The following ATE1 variants were observed in gnomAD, a reference collection of about 807,000 sequenced individuals.
ATE1 encodes the protein arginyltransferase 1, also known as arginyl-tRNA--protein transferase 1.
In ATE1, 36 loss-of-function variants were observed where a neutral mutation model predicts 70.5. The ratio of observed to expected loss-of-function variants is 0.51; its 90% CI spans 0.39 to 0.67. ATE1 has a LOEUF of 0.67. Among genes scored for constraint, ATE1 ranks in the 30% least tolerant of loss-of-function variants. The probability of loss-of-function intolerance (pLI) is 0.00; values close to 1 mark genes in which losing one functional copy is unlikely to be tolerated. For synonymous variants in ATE1, 232 were observed against 219.3 expected, an observed-to-expected ratio of 1.06 and a Z score of -0.51; for missense variants, 593 against 629.5, an observed-to-expected ratio of 0.94 and a Z score of 0.62.
intron 10 of ATE1, among the ~76,000 whole-genome samples, chr10:121,825,321 C>G (rs947209536): frequency 4.6e-5 from 7 of 152,142 alleles, no homozygotes; most frequent in African/African-American, 1.7e-4. Flanking sequence ...AAATATGACA[C>G]ACAGACAGAA....
intron 8 of ATE1, among the ~76,000 whole-genome samples, chr10:121,851,340 A>T (rs1949049584): frequency 6.6e-6 from 1 of 152,152 alleles, no homozygotes; most frequent in African/African-American, 2.4e-5. Context: ...GGATCACTTG[A>T]GCCTGGGAGG....
intron 8 of ATE1, among the ~76,000 whole-genome samples, chr10:121,867,468 T>A (rs1336425844): frequency 6.6e-6 from 1 of 152,214 alleles, no homozygotes; most frequent in Non-Finnish European, 1.5e-5. Flanking sequence ...GCATTATACA[T>A]TATCAACATT....
chr10:121,826,766 T>G (rs1181534385), intron 10 of ATE1, among the ~76,000 whole-genome samples: 1 of 152,180 alleles, frequency 6.6e-6, no homozygotes, highest in African/African-American at 2.4e-5. Flanking sequence ...CTTGCCACCT[T>G]CCCTCTCTCC....
At chr10:121,810,120 T>C (rs568482569) in intron 10 of ATE1, among the ~76,000 whole-genome samples, 3 of 152,324 alleles carry the variant, frequency 2.0e-5, no homozygotes, top group African/African-American at 7.2e-5. Flanking sequence ...TAAAACAAGG[T>C]TTACTGCAGA....
chr10:121,868,037 T>G (rs1426126136), intron 8 of ATE1, among the ~76,000 whole-genome samples: 1 of 152,214 alleles, frequency 6.6e-6, no homozygotes, highest in Non-Finnish European at 1.5e-5. Flanking sequence ...CTTTAGTGTA[T>G]GTGACCAAAC....
rs536778204 is a variant in ATE1, at chr10:121,741,019, A to C, written c.*2661T>G. On this transcript the variant is annotated 3_prime_UTR_variant, in exon 12 of 12. Transcript: ENST00000224652. ...AATTGAAATTACATCTTTGCTCCCA[A>C]AACAGGAAGGCAGGTGTGATGTATT... 2.6e-4 allele frequency: 39 copies of C among 152,354 alleles called. No individual in the cohort carries two copies. Among genetic ancestry groups the C allele is most frequent in the African/African-American group, 8.9e-4 (37 of 41,582 alleles). The allele number at this position is 152,354 out of a possible 1,614,324, so 9.4% of individuals were successfully genotyped here.
chr10:121,740,429 A>T lies in ATE1; in HGVS notation c.*3251T>A, dbSNP rs1259255604. 6.6e-6 allele frequency: 1 copy of T among 152,192 alleles called. No individual in the cohort carries two copies. The highest frequency in any genetic ancestry group is 1.5e-5 in the Non-Finnish European group (1 of 68,036). 9.4% of individuals were successfully genotyped at this position (152,192 alleles called of 1,614,324 possible). A position where few individuals can be genotyped will look rare whatever the true frequency, so the allele number is the denominator to read the frequency against. ...TAATGACCACCAAGAGCCACTGCAGATAGAAACAGCTTTATTTTTTCCATT... is the reference window on the plus strand; with the variant it reads ...TAATGACCACCAAGAGCCACTGCAGTTAGAAACAGCTTTATTTTTTCCATT... On this transcript the variant is annotated 3_prime_UTR_variant, in exon 12 of 12. Coordinates refer to ENST00000224652, the MANE Select transcript of ATE1 (RefSeq NM_001001976.3).
chr10:121,907,696 G>A (rs1951254333), intron 5 of ATE1, among the ~76,000 whole-genome samples: 1 of 151,916 alleles, frequency 6.6e-6, no homozygotes. Flanking sequence ...GTGAACCCGG[G>A]AGGTAGAGCT....
At chr10:121,766,576 C>G (rs771700723) in intron 11 of ATE1, among the ~76,000 whole-genome samples, 6 of 152,062 alleles carry the variant, frequency 3.9e-5, no homozygotes, top group Non-Finnish European at 8.8e-5. Flanking sequence ...GTTGGCAACT[C>G]TGAAAAGCCA....
At chr10:121,825,001 C>T (rs566906647) in intron 10 of ATE1, among the ~76,000 whole-genome samples, 7 of 146,772 alleles carry the variant, frequency 4.8e-5, no homozygotes, top group Non-Finnish European at 1.0e-4. Context: ...AAAAAGGAGA[C>T]AAAGTAAAGA....
chr10:121,848,976 C>T (rs1468738906), intron 8 of ATE1, among the ~76,000 whole-genome samples: 5 of 151,086 alleles, frequency 3.3e-5, no homozygotes, highest in African/African-American at 4.9e-5. Context: ...TTTGGGAGGC[C>T]GAAGCGGGCA....
chr10:121,752,011 G>A (rs1404676707), intron 11 of ATE1, among the ~76,000 whole-genome samples: 1 of 151,562 alleles, frequency 6.6e-6, no homozygotes, highest in Non-Finnish European at 1.5e-5. Context: ...GGCTAACAGG[G>A]TGAAACCCCG....
chr10:121,857,881 T>C (rs111768662), intron 8 of ATE1, among the ~76,000 whole-genome samples: 5 of 152,330 alleles, frequency 3.3e-5, no homozygotes, highest in African/African-American at 1.2e-4. Flanking sequence ...CAACCATCAC[T>C]TCACTTTCTA....
At chr10:121,905,122 C>T (rs966158639) in intron 5 of ATE1, among the ~76,000 whole-genome samples, 4 of 152,144 alleles carry the variant, frequency 2.6e-5, no homozygotes, top group East Asian at 3.9e-4. Flanking sequence ...ACCTTGGGCA[C>T]GTTTCCCTGT....
At chr10:121,824,354 G>A (rs1947922537) in intron 10 of ATE1, among the ~76,000 whole-genome samples, 1 of 152,184 alleles carries the variant, frequency 6.6e-6, no homozygotes, top group South Asian at 2.1e-4. Context: ...CAAGGCTATA[G>A]TGAAATAACA....
At chr10:121,811,757 A>C (rs1479964927) in intron 10 of ATE1, among the ~76,000 whole-genome samples, 1 of 152,168 alleles carries the variant, frequency 6.6e-6, no homozygotes, top group Non-Finnish European at 1.5e-5. Flanking sequence ...TAAGACAATA[A>C]AACTACTTAA....
chr10:121,905,876 CA>C lies in ATE1; in HGVS notation c.584-3257del, dbSNP rs374381373. Among the ~76,000 whole-genome samples, 814 of 151,880 alleles carry C rather than the reference CA, an allele frequency of 5.4e-3. 6 individuals are homozygous for C. Among genetic ancestry groups the C allele is most frequent in the African/African-American group, 0.018 (766 of 41,426 alleles). ...GAGAGAAAAAAAAGTAGGATTTCAG[CA>C]TATTAGGGGATACAGATCTCCCAGG... On this transcript the variant is annotated intron_variant, in intron 5 of 11. Transcript: ENST00000224652.
chr10:121,915,643 A>G (rs1022059825), intron 3 of ATE1, among the ~76,000 whole-genome samples: 9 of 152,112 alleles, frequency 5.9e-5, no homozygotes, highest in African/African-American at 2.2e-4. Flanking sequence ...TAATCCCAGC[A>G]CTTTGGGAGG....
chr10:121,912,948 C>T (rs563855216), intron 4 of ATE1, among the ~76,000 whole-genome samples: 35 of 152,048 alleles, frequency 2.3e-4, no homozygotes, highest in East Asian at 9.8e-4. Flanking sequence ...GGCACAATGT[C>T]GGCTCACTGC....
Sources: allele counts gnomAD v4.1 joint callset (sites outside exome capture counted in the v4.1 genomes callset), GRCh38; gene constraint gnomAD v4.1.1; transcripts MANE v1.5; gene names NCBI Gene and HGNC (gene_info 2026-07-23, HGNC 2026-07-21).